Variants in GADL1 observed in about 807,000 individuals in gnomAD.
GADL1 encodes GAD like acidic amino acid decarboxylase 1, also known as acidic amino acid decarboxylase GADL1.
GADL1 carries 71 observed loss-of-function variants against 69.5 expected under a neutral mutation model. The ratio of observed to expected loss-of-function variants is 1.02; its 90% CI spans 0.84 to 1.25. The LOEUF is 1.25. GADL1 is among the 50% of genes most tolerant of loss of function. The pLI is 0.00. For missense variants in GADL1, 737 were observed against 631.8 expected (o/e 1.17, Z -1.79); for synonymous variants, 254 against 214.4 (o/e 1.18, Z -1.62).
chr3:30,844,165 G>A (rs1553602206), intron 8 of GADL1, 45 bp downstream of exon 8: 9 of 1,481,304 alleles, frequency 6.1e-6, no homozygotes, highest in South Asian at 2.4e-5. Flanking sequence ...GGGCGTGCGC[G>A]CACACACACA....
intron 11 of GADL1, among the ~76,000 whole-genome samples, chr3:30,814,117 TTA>T (rs1448243730): frequency 1.3e-5 from 2 of 152,192 alleles, no homozygotes; most frequent in African/African-American, 4.8e-5. Context: ...TAATGTTATA[TTA>T]GTTTTTCAAA....
At position 30,784,443 on chromosome 3, in the gene GADL1, T is replaced by C. The variant is rs570280617; in HGVS notation, c.1302+1912A>G. Among the ~76,000 whole-genome samples the C allele has an allele frequency of 4.2e-5, 6 of 142,702 alleles. No homozygotes were observed. In the East Asian group the frequency reaches 1.2e-3, roughly 28 times the overall value. 93.6% of individuals were successfully genotyped at this position (142,702 alleles called of 152,430 possible). A position where few individuals can be genotyped will look rare whatever the true frequency, so the allele number is the denominator to read the frequency against. Reference sequence around the variant, plus strand: ...TCTAAATTTGTTGTCTTTATAGTACTACCAGAAAGTTGTTTAATTTTTAAT... The same window carrying C: ...TCTAAATTTGTTGTCTTTATAGTACCACCAGAAAGTTGTTTAATTTTTAAT... On this transcript the variant is annotated intron_variant, in intron 13 of 14. Transcript: ENST00000282538.
At chr3:30,743,998 G>A (rs1015629560) in intron 14 of GADL1, among the ~76,000 whole-genome samples, 1 of 152,168 alleles carries the variant, frequency 6.6e-6, no homozygotes, top group Non-Finnish European at 1.5e-5. Flanking sequence ...AGCTGTGACT[G>A]ACCCCCAGGG....
At chr3:30,824,446 G>A (rs570750932) in intron 11 of GADL1, among the ~76,000 whole-genome samples, 5 of 151,710 alleles carry the variant, frequency 3.3e-5, no homozygotes, top group African/African-American at 1.2e-4. Context: ...TCAAGAGGAA[G>A]GAAAATTATT....
At chr3:30,783,876 AGG>A (rs1696730032) in intron 13 of GADL1, among the ~76,000 whole-genome samples, 1 of 152,172 alleles carries the variant, frequency 6.6e-6, no homozygotes, top group Non-Finnish European at 1.5e-5. Flanking sequence ...CTAAGACTTT[AGG>A]AAGAATATAT....
intron 1 of GADL1, among the ~76,000 whole-genome samples, chr3:30,866,081 T>C (rs903831321): frequency 1.9e-4 from 29 of 152,084 alleles, no homozygotes; most frequent in Non-Finnish European, 2.9e-5. Context: ...TTAATACAGA[T>C]AATGCCTTAA....
At chr3:30,866,603 A>G (rs1698406199) in intron 1 of GADL1, among the ~76,000 whole-genome samples, 1 of 152,004 alleles carries the variant, frequency 6.6e-6, no homozygotes, top group African/African-American at 2.4e-5. Context: ...GTGAGTTATC[A>G]CCTCTGGAAG....
At chr3:30,877,399 G>C (rs1037367293) in intron 1 of GADL1, among the ~76,000 whole-genome samples, 5 of 151,738 alleles carry the variant, frequency 3.3e-5, no homozygotes, top group African/African-American at 1.2e-4. Flanking sequence ...TCTCTTTTTT[G>C]TGCCATCAAC....
intron 11 of GADL1, among the ~76,000 whole-genome samples, chr3:30,818,651 G>T (rs561606478): frequency 6.6e-6 from 1 of 152,114 alleles, no homozygotes; most frequent in Admixed American, 6.5e-5. Flanking sequence ...ATTAATATAA[G>T]TATGTCCTAT....
rs899438500 is a variant in GADL1, at chr3:30,727,411, T to C, written c.*831A>G. The C allele has an allele frequency of 6.9e-6, 1 of 144,838 alleles. No homozygotes were observed. Among genetic ancestry groups the C allele is most frequent in the Non-Finnish European group, 1.5e-5 (1 of 66,704 alleles). 9.0% of individuals were successfully genotyped at this position (144,838 alleles called of 1,614,324 possible). On this transcript the variant is annotated 3_prime_UTR_variant, in exon 15 of 15. Coordinates refer to ENST00000282538, the MANE Select transcript of GADL1 (RefSeq NM_207359.3). ...GCTTTGAATTATATATATATATATA[T>C]GTGTGTGTGTGTATATATATATATA...
intron 6 of GADL1, among the ~76,000 whole-genome samples, chr3:30,844,771 A>C (rs980921649): frequency 2.0e-5 from 3 of 152,114 alleles, no homozygotes; most frequent in Middle Eastern, 3.2e-3. Flanking sequence ...TGCCTACTCC[A>C]TCTGCTCGTG....
intron 13 of GADL1, among the ~76,000 whole-genome samples, chr3:30,781,742 G>C (rs943350326): frequency 6.6e-6 from 1 of 152,132 alleles, no homozygotes; most frequent in African/African-American, 2.4e-5. Context: ...TGCCCCACAG[G>C]GTTGGTTTGA....
chr3:30,779,349 T>G (rs966793127), intron 13 of GADL1, among the ~76,000 whole-genome samples: 1 of 152,246 alleles, frequency 6.6e-6, no homozygotes, highest in African/African-American at 2.4e-5. Context: ...TAATAACCAA[T>G]GTTGCAACAG....
At chr3:30,804,263 A>AT (rs1697214741) in intron 11 of GADL1, among the ~76,000 whole-genome samples, 1 of 152,192 alleles carries the variant, frequency 6.6e-6, no homozygotes, top group Non-Finnish European at 1.5e-5. Flanking sequence ...CACTCCCTAC[A>AT]TATGGAAAGC....
chr3:30,850,851 AT>A lies in GADL1; in HGVS notation c.518del (p.Asp173ValfsTer16). 6.5e-7 allele frequency: 1 copy of A among 1,546,344 alleles called. No homozygotes were observed. The highest frequency in any genetic ancestry group is 1.2e-5 in the South Asian group (1 of 83,904). Reference sequence around the variant, plus strand: ...TGTACTCACCTGGGTTAAATATTCCATCCCCTTCTTTCCAGCCAATAAATTC... The same window carrying A: ...TGTACTCACCTGGGTTAAATATTCCACCCCTTCTTTCCAGCCAATAAATTC... ...MIEFIGWKEG[D>X]GIFNPGGSVS... On this transcript the variant is annotated frameshift_variant, in exon 5 of 15. Coordinates refer to ENST00000282538, the MANE Select transcript of GADL1 (RefSeq NM_207359.3). LOFTEE classifies it high-confidence loss of function.
At chr3:30,757,378 G>C (rs1183171028) in intron 14 of GADL1, among the ~76,000 whole-genome samples, 2 of 152,128 alleles carry the variant, frequency 1.3e-5, no homozygotes, top group African/African-American at 2.4e-5. Context: ...TCAGAGGCTA[G>C]ATCATCAGAA....
chr3:30,784,756 G>A (rs935171700), intron 13 of GADL1, among the ~76,000 whole-genome samples: 4 of 152,132 alleles, frequency 2.6e-5, no homozygotes, highest in African/African-American at 9.7e-5. Context: ...TAACATGCAA[G>A]TCAGACTCCT....
At chr3:30,828,765 G>A (rs929001181) in intron 11 of GADL1, among the ~76,000 whole-genome samples, 12 of 151,904 alleles carry the variant, frequency 7.9e-5, no homozygotes, top group Admixed American at 1.3e-4. Context: ...GAACACAGAC[G>A]TATGCATGTA....
intron 12 of GADL1, among the ~76,000 whole-genome samples, chr3:30,786,942 A>T (rs1696805405): frequency 6.6e-6 from 1 of 151,772 alleles, no homozygotes; most frequent in South Asian, 2.1e-4. Context: ...AAACTAACAC[A>T]GAAACAGAAA....
Sources: gnomAD v4.1 joint callset for allele counts (sites outside exome capture counted in the v4.1 genomes callset) on GRCh38, gnomAD v4.1.1 for gene constraint, MANE v1.5 for transcripts, NCBI Gene and HGNC (gene_info 2026-07-23, HGNC 2026-07-21) for gene names.